LINGO2: variants seen among roughly 807,000 people sequenced by gnomAD.
LINGO2 encodes leucine rich repeat and Ig domain containing 2.
LINGO2 carries 14 observed loss-of-function variants against 30.6 expected under a neutral mutation model. That is an observed-to-expected ratio of 0.46 (90% CI 0.30 to 0.72). The LOEUF (loss-of-function observed/expected upper bound fraction) is 0.72. Among genes scored for constraint, LINGO2 ranks in the 30% least tolerant of loss-of-function variants. The pLI is 0.07. For synonymous variants in LINGO2, 317 were observed against 288.5 expected (o/e 1.10, Z -1.00); for missense variants, 729 against 751.7 (o/e 0.97, Z 0.35).
At chr9:28,056,117 T>C (rs866209963) in intron 4 of LINGO2, among the ~76,000 whole-genome samples, 1 of 152,152 alleles carries the variant, frequency 6.6e-6, no homozygotes, top group African/African-American at 2.4e-5. Context: ...CCTCTGAGCG[T>C]CTACCGCCCT....
At chr9:28,062,461 CTACA>C (rs1197263295) in intron 4 of LINGO2, among the ~76,000 whole-genome samples, 2 of 145,316 alleles carry the variant, frequency 1.4e-5, no homozygotes, top group East Asian at 4.0e-4. Context: ...TACATATATA[CTACA>C]TATTGTATAT....
chr9:28,214,312 A>G (rs950184325), intron 4 of LINGO2, among the ~76,000 whole-genome samples: 2 of 151,636 alleles, frequency 1.3e-5, no homozygotes, highest in African/African-American at 4.8e-5. Flanking sequence ...TTGTACAGGT[A>G]TTCAAGGCAG....
the LINGO2 span, among the ~76,000 whole-genome samples, chr9:29,209,553 G>A: frequency 6.6e-6 from 1 of 152,172 alleles, no homozygotes; most frequent in East Asian, 1.9e-4. Context: ...AAGCATAACA[G>A]AAAAATCACA....
chr9:28,211,857 CCTTCCTTCCTTT>C (rs1820603888), intron 4 of LINGO2, among the ~76,000 whole-genome samples: 1 of 151,210 alleles, frequency 6.6e-6, no homozygotes, highest in Non-Finnish European at 1.5e-5. Flanking sequence ...TCTCTCTCTC[CCTTCCTTCCTTT>C]CTTCCTTGCT....
the LINGO2 span, among the ~76,000 whole-genome samples, chr9:29,154,405 G>A: frequency 1.1e-4 from 17 of 148,242 alleles, no homozygotes; most frequent in Non-Finnish European, 2.1e-4. Flanking sequence ...GGCGGAGATC[G>A]CGCCACTGCA....
At chr9:28,219,970 A>C (rs1010726442) in intron 4 of LINGO2, among the ~76,000 whole-genome samples, 6 of 152,198 alleles carry the variant, frequency 3.9e-5, no homozygotes, top group African/African-American at 4.8e-5. Context: ...TTTCTGGATG[A>C]CATGAACTAG....
At chr9:27,959,530 C>T (rs1456014081) in intron 5 of LINGO2, among the ~76,000 whole-genome samples, 2 of 151,922 alleles carry the variant, frequency 1.3e-5, no homozygotes, top group East Asian at 3.9e-4. Context: ...CTTCTAAATC[C>T]CCAACAAAAT....
At chr9:28,205,469 T>G (rs1820377721) in intron 4 of LINGO2, among the ~76,000 whole-genome samples, 1 of 152,198 alleles carries the variant, frequency 6.6e-6, no homozygotes, top group Admixed American at 6.5e-5. Context: ...TTCATAATAC[T>G]TATCAACACC....
At chr9:28,351,412 A>C (rs1045830800) in intron 3 of LINGO2, among the ~76,000 whole-genome samples, 59 of 151,616 alleles carry the variant, frequency 3.9e-4, no homozygotes, top group South Asian at 1.3e-3. Flanking sequence ...GAAATGGATA[A>C]ATTCCTCGAC....
chr9:29,111,676 T>C, the LINGO2 span, among the ~76,000 whole-genome samples: 2 of 151,662 alleles, frequency 1.3e-5, no homozygotes, highest in Non-Finnish European at 1.5e-5. Flanking sequence ...TTTTGCCTAA[T>C]TGATATTCTC....
intron 4 of LINGO2, among the ~76,000 whole-genome samples, chr9:28,150,081 C>T (rs1401092670): frequency 6.6e-6 from 1 of 150,874 alleles, no homozygotes; most frequent in Non-Finnish European, 1.5e-5. Context: ...ACCATCCCAT[C>T]TGGGAAGTGA....
chr9:28,182,597 G>C (rs1476522799), intron 4 of LINGO2, among the ~76,000 whole-genome samples: 1 of 152,010 alleles, frequency 6.6e-6, no homozygotes, highest in Non-Finnish European at 1.5e-5. Context: ...GAATTTACAA[G>C]GAACTTAAAC....
the LINGO2 span, among the ~76,000 whole-genome samples, chr9:29,012,860 T>C: frequency 2.0e-5 from 3 of 152,196 alleles, no homozygotes; most frequent in African/African-American, 7.2e-5. Context: ...TTAGTAGACT[T>C]TGATCCACTA....
chr9:28,423,782 G>A (rs1397652873), intron 2 of LINGO2, among the ~76,000 whole-genome samples: 2 of 151,970 alleles, frequency 1.3e-5, no homozygotes, highest in African/African-American at 4.8e-5. Flanking sequence ...GTGCTTCTCG[G>A]CTTGGGTGAA....
intron 1 of LINGO2, among the ~76,000 whole-genome samples, chr9:28,548,256 A>C (rs1822056000): frequency 1.3e-5 from 2 of 152,140 alleles, no homozygotes; most frequent in South Asian, 2.1e-4. Context: ...ACGTAGGATA[A>C]ATGAAGCAAC....
intron 1 of LINGO2, among the ~76,000 whole-genome samples, chr9:28,516,390 A>G (rs973019025): frequency 3.3e-5 from 5 of 152,196 alleles, no homozygotes; most frequent in African/African-American, 9.7e-5. Flanking sequence ...ATTTTTAGAA[A>G]TAAGAGAGAA....
Position 28,545,938 on chromosome 9 carries a change from T to C in LINGO2, c.-364-69913A>G, listed in dbSNP as rs112180233. Among the ~76,000 whole-genome samples, 522 of 152,200 alleles carry C rather than the reference T, an allele frequency of 3.4e-3. 9 individuals carry two copies. The highest frequency in any genetic ancestry group is 0.012 in the African/African-American group (498 of 41,560). ...TCCTGAAAGAATCCACACAACATTA[T>C]ACCATACAGTTTTCTGTAGAAAATA... On this transcript the variant is annotated intron_variant, in intron 1 of 5. Coordinates refer to ENST00000379992, the Ensembl canonical transcript of LINGO2.
chr9:28,100,038 C>T (rs767298298), intron 4 of LINGO2, among the ~76,000 whole-genome samples: 29 of 152,198 alleles, frequency 1.9e-4, no homozygotes, highest in Non-Finnish European at 3.5e-4. Flanking sequence ...TAGCACATAA[C>T]AAGATCATAT....
chr9:28,512,998 T>C (rs1193053423), intron 1 of LINGO2, among the ~76,000 whole-genome samples: 1 of 151,800 alleles, frequency 6.6e-6, no homozygotes, highest in Non-Finnish European at 1.5e-5. Flanking sequence ...TGTTAATCTC[T>C]TTTGGCAACA....
Sources: gnomAD v4.1 joint callset for allele counts (sites outside exome capture counted in the v4.1 genomes callset) on GRCh38, gnomAD v4.1.1 for gene constraint, MANE v1.5 for transcripts, NCBI Gene and HGNC (gene_info 2026-07-23, HGNC 2026-07-21) for gene names.